PCDH19: variants seen among roughly 807,000 people sequenced by gnomAD.
The protein encoded by PCDH19 is protocadherin 19.
PCDH19 carries 6 observed loss-of-function variants against 46.2 expected under a neutral mutation model. The observed-to-expected ratio is 0.13, with a 90% CI of 0.07 to 0.26. PCDH19 has a LOEUF of 0.26. PCDH19 is among the 10% of genes least tolerant of loss of function. The probability of loss-of-function intolerance (pLI) is 1.00; values close to 1 mark genes in which losing one functional copy is unlikely to be tolerated. For synonymous variants in PCDH19, 481 were observed against 415.7 expected, an observed-to-expected ratio of 1.16 and a Z score of -1.91; for missense variants, 740 against 972.3, an observed-to-expected ratio of 0.76 and a Z score of 3.18.
Position 100,313,291 on chromosome X carries a change from G to T in PCDH19, c.2849-16416C>A, listed in dbSNP as rs1013121694. Reference sequence around the variant, plus strand: ...CATGGGGCTAATGGAGGAATGCCATGCTGTGGTGGGGGAAGCCCTGAGGAG... The same window carrying T: ...CATGGGGCTAATGGAGGAATGCCATTCTGTGGTGGGGGAAGCCCTGAGGAG... On this transcript the variant is annotated intron_variant, in intron 5 of 5. Coordinates refer to ENST00000373034, the MANE Select transcript of PCDH19 (RefSeq NM_001184880.2). 2.0e-4 allele frequency among the ~76,000 whole-genome samples: 22 copies of T among 111,238 alleles called. No homozygotes were observed. In the Admixed American group the frequency reaches 2.0e-3, roughly 10 times the overall value.
intron 3 of PCDH19, among the ~76,000 whole-genome samples, chrX:100,375,557 C>G (rs1569305832): frequency 8.9e-6 from 1 of 112,263 alleles, no homozygotes; most frequent in Non-Finnish European, 1.9e-5. Flanking sequence ...ATAAACATAC[C>G]TGTACATGTG....
chrX:100,405,562 T>C lies in PCDH19; in HGVS notation c.2147+889A>G, dbSNP rs867771022. Among the ~76,000 whole-genome samples, 482 of 58,009 alleles carry C rather than the reference T, an allele frequency of 8.3e-3. 1 individual carries two copies. The highest frequency in any genetic ancestry group is 0.011 in the African/African-American group (159 of 14,298). 50.4% of individuals were successfully genotyped at this position (58,009 alleles called of 115,157 possible). On this transcript the variant is annotated intron_variant, in intron 1 of 5. Transcript: ENST00000373034. ...CCCCTTCTATCCCTCTCTCTCTCCC[T>C]CCCCCCCCCATACACACACAGACAC... is the stretch of plus-strand genomic sequence containing the variant.
chrX:100,391,475 T>G (rs748241742), intron 3 of PCDH19, among the ~76,000 whole-genome samples: 20 of 112,161 alleles, frequency 1.8e-4, no homozygotes, highest in Non-Finnish European at 3.6e-4. Context: ...TAAAAGCTAA[T>G]GTGCTGTACC....
At chrX:100,374,388 TTATG>T (rs748151022) in intron 3 of PCDH19, among the ~76,000 whole-genome samples, 1 of 112,162 alleles carries the variant, frequency 8.9e-6, no homozygotes, top group East Asian at 2.8e-4. Flanking sequence ...TGCATGGTGA[TTATG>T]TGAGTCACAG....
At chrX:100,395,295 G>C (rs1927996314) in intron 3 of PCDH19, among the ~76,000 whole-genome samples, 1 of 112,458 alleles carries the variant, frequency 8.9e-6, no homozygotes, top group African/African-American at 3.2e-5. Flanking sequence ...TTTATGAAAG[G>C]ATCCATCACA....
At chrX:100,375,038 G>A (rs1445111592) in intron 3 of PCDH19, among the ~76,000 whole-genome samples, 2 of 112,548 alleles carry the variant, frequency 1.8e-5, no homozygotes, top group Non-Finnish European at 3.8e-5. Flanking sequence ...CACATAGCAG[G>A]AGCTCCAGAA....
At chrX:100,375,004 T>G (rs1293189922) in intron 3 of PCDH19, among the ~76,000 whole-genome samples, 1 of 111,826 alleles carries the variant, frequency 8.9e-6, no homozygotes, top group East Asian at 2.8e-4. Flanking sequence ...GGAATGTTTG[T>G]GAAGGTAGGA....
chrX:100,367,536 T>C (rs1377809246), intron 3 of PCDH19, among the ~76,000 whole-genome samples: 1 of 111,969 alleles, frequency 8.9e-6, no homozygotes, highest in African/African-American at 3.2e-5. Flanking sequence ...AGATGTTACC[T>C]TGTTGCTGTA....
rs189513310 is a variant in PCDH19 at position 100,353,530 on chromosome X, T to G, written c.2617-2826A>C. Among the ~76,000 whole-genome samples the G allele has an allele frequency of 9.0e-5, 10 of 111,647 alleles. No individual in the cohort carries two copies. In the East Asian group the frequency reaches 2.8e-3, roughly 32 times the overall value. ...TTGTATCACTAATGAAAATACTACT[T>G]CTTGGTCCTAAGCCATAATATATCT... On this transcript the variant is annotated intron_variant, in intron 3 of 5. Coordinates refer to ENST00000373034, the MANE Select transcript of PCDH19 (RefSeq NM_001184880.2).
chrX:100,328,206 G>T (rs138945105), intron 5 of PCDH19, among the ~76,000 whole-genome samples: 5,901 of 111,762 alleles, frequency 0.053, 160 homozygotes, highest in Middle Eastern at 0.075. Context: ...ACAAATGAGA[G>T]AAATGAGGCA....
intron 5 of PCDH19, among the ~76,000 whole-genome samples, chrX:100,321,282 C>T (rs1925468890): frequency 8.9e-6 from 1 of 111,761 alleles, no homozygotes; most frequent in African/African-American, 3.3e-5. Flanking sequence ...TAGATAGCTA[C>T]CCAGTAGTGG....
chrX:100,300,528 G>T (rs1924742975), intron 5 of PCDH19, among the ~76,000 whole-genome samples: 1 of 111,876 alleles, frequency 8.9e-6, no homozygotes, highest in African/African-American at 3.2e-5. Flanking sequence ...TGAAAGTTCT[G>T]ACCTGAACCT....
chrX:100,346,590 G>T lies in PCDH19; in HGVS notation c.2675+4056C>A, dbSNP rs1219853519. On this transcript the variant is annotated intron_variant, in intron 4 of 5. Coordinates refer to ENST00000373034, the MANE Select transcript of PCDH19 (RefSeq NM_001184880.2). ...TAGTGCTAGTCTTTAATAGAAAAAT[G>T]CTAAGATTTTCTTCCATTTCTCTCA... 5.4e-5 allele frequency among the ~76,000 whole-genome samples: 6 copies of T among 111,828 alleles called. No homozygotes were observed. In the East Asian group the frequency reaches 1.7e-3, roughly 32 times the overall value.
chrX:100,385,855 C>G, intron 3 of PCDH19, among the ~76,000 whole-genome samples: 1 of 110,949 alleles, frequency 9.0e-6, no homozygotes, highest in Admixed American at 9.6e-5. Context: ...GATCGAGCCA[C>G]TGTACTCCAG....
rs1926784292 is a variant in PCDH19 at position 100,358,485 on chromosome X, G to A, written c.2617-7781C>T. Reference sequence around the variant, plus strand: ...CCTAGAGGTGGCAAAGATGGCTTAGGGAAAGCACTTTTCTTTGCTCTCATC... The same window carrying A: ...CCTAGAGGTGGCAAAGATGGCTTAGAGAAAGCACTTTTCTTTGCTCTCATC... On this transcript the variant is annotated intron_variant, in intron 3 of 5. Coordinates refer to ENST00000373034, the MANE Select transcript of PCDH19 (RefSeq NM_001184880.2). 1.8e-5 allele frequency among the ~76,000 whole-genome samples: 2 copies of A among 112,205 alleles called. 1 individual carries two copies. The highest frequency in any genetic ancestry group is 1.9e-4 in the Admixed American group (2 of 10,603).
At chrX:100,368,311 G>T (rs778634245) in intron 3 of PCDH19, among the ~76,000 whole-genome samples, 1 of 111,271 alleles carries the variant, frequency 9.0e-6, no homozygotes, top group Non-Finnish European at 1.9e-5. Context: ...CCTTGTCAAG[G>T]ATAGGAAAGG....
intron 5 of PCDH19, among the ~76,000 whole-genome samples, chrX:100,331,096 C>T (rs1925858143): frequency 8.9e-6 from 1 of 111,958 alleles, no homozygotes; most frequent in African/African-American, 3.3e-5. Flanking sequence ...CCTACACATA[C>T]TTCCAACCAC....
intron 3 of PCDH19, among the ~76,000 whole-genome samples, chrX:100,355,907 A>G (rs1274944271): frequency 9.0e-6 from 1 of 111,089 alleles, no homozygotes; most frequent in Non-Finnish European, 1.9e-5. Context: ...CATTACTTTT[A>G]CAGTTCACTG....
At chrX:100,304,022 C>T (rs1280898462) in intron 5 of PCDH19, among the ~76,000 whole-genome samples, 1 of 112,218 alleles carries the variant, frequency 8.9e-6, no homozygotes, top group African/African-American at 3.2e-5. Flanking sequence ...TTAAAAAATG[C>T]CTGTTAAAAT....
Sources: gnomAD v4.1 joint callset for allele counts (sites outside exome capture counted in the v4.1 genomes callset) on GRCh38, gnomAD v4.1.1 for gene constraint, MANE v1.5 for transcripts, NCBI Gene and HGNC (gene_info 2026-07-23, HGNC 2026-07-21) for gene names.